Variants in CTNND2 observed in about 807,000 individuals in gnomAD.
CTNND2 encodes catenin delta 2, also known as catenin delta-2.
Under a neutral mutation model 144.4 loss-of-function variants are expected in CTNND2, and 22 were observed. The observed-to-expected ratio is 0.15, with a 90% CI of 0.11 to 0.22. CTNND2 has a LOEUF of 0.22. Among genes scored for constraint, CTNND2 ranks in the 10% least tolerant of loss-of-function variants. The probability of loss-of-function intolerance (pLI) is 1.00; values close to 1 mark genes in which losing one functional copy is unlikely to be tolerated. For synonymous variants in CTNND2, 751 were observed against 695.6 expected, an observed-to-expected ratio of 1.08 and a Z score of -1.25; for missense variants, 1,353 against 1,618.8, an observed-to-expected ratio of 0.84 and a Z score of 2.82.
intron 16 of CTNND2, among the ~76,000 whole-genome samples, chr5:11,048,404 C>T (rs1745500306): frequency 6.6e-6 from 1 of 152,174 alleles, no homozygotes. Flanking sequence ...TGTTTTATTT[C>T]CCCATAAAAA....
chr5:11,671,747 T>C (rs1783883227), intron 2 of CTNND2, among the ~76,000 whole-genome samples: 1 of 152,038 alleles, frequency 6.6e-6, no homozygotes, highest in East Asian at 2.0e-4. Flanking sequence ...TGGAGGAGTT[T>C]GTTATTACCC....
intron 5 of CTNND2, among the ~76,000 whole-genome samples, chr5:11,402,566 G>A (rs987067839): frequency 1.3e-5 from 2 of 152,198 alleles, no homozygotes; most frequent in African/African-American, 2.4e-5. Context: ...TTAACTTAGA[G>A]TAAGAGGTAG....
intron 10 of CTNND2, among the ~76,000 whole-genome samples, chr5:11,232,401 C>A (rs1486138302): frequency 6.6e-6 from 1 of 152,258 alleles, no homozygotes; most frequent in Non-Finnish European, 1.5e-5. Context: ...TAGGGCAGAG[C>A]TGCTCAAGGC....
chr5:11,595,665 C>T (rs1011095657), intron 2 of CTNND2, among the ~76,000 whole-genome samples: 11 of 152,124 alleles, frequency 7.2e-5, no homozygotes, highest in African/African-American at 2.4e-4. Context: ...TTGACCATCT[C>T]GGTAATAGTT....
chr5:11,648,023 T>C (rs1264490390), intron 2 of CTNND2, among the ~76,000 whole-genome samples: 1 of 152,230 alleles, frequency 6.6e-6, no homozygotes, highest in Non-Finnish European at 1.5e-5. Context: ...TTGCCTTCTA[T>C]ATATGTTAAA....
chr5:11,357,987 T>G (rs1020367704), intron 8 of CTNND2, among the ~76,000 whole-genome samples: 1 of 152,174 alleles, frequency 6.6e-6, no homozygotes, highest in Non-Finnish European at 1.5e-5. Flanking sequence ...TAATTATTCT[T>G]AAGTTCCAAC....
At chr5:11,380,223 C>T (rs55687574) in intron 7 of CTNND2, among the ~76,000 whole-genome samples, 3,320 of 152,264 alleles carry the variant, frequency 0.022, 125 homozygotes, top group African/African-American at 0.075. Flanking sequence ...GGGGTTATGC[C>T]TCATTCATCT....
intron 3 of CTNND2, among the ~76,000 whole-genome samples, chr5:11,421,862 A>C (rs191266167): frequency 6.6e-6 from 1 of 152,164 alleles, no homozygotes; most frequent in African/African-American, 2.4e-5. Context: ...TGATCAAGGC[A>C]CTTCTGCCTT....
chr5:11,320,798 G>T (rs1301933540), intron 9 of CTNND2, among the ~76,000 whole-genome samples: 1 of 152,162 alleles, frequency 6.6e-6, no homozygotes, highest in Non-Finnish European at 1.5e-5. Context: ...TGAGCTATAA[G>T]ATGAGATTTA....
chr5:11,086,218 G>A (rs1408090275), intron 15 of CTNND2, among the ~76,000 whole-genome samples: 1 of 152,116 alleles, frequency 6.6e-6, no homozygotes, highest in Non-Finnish European at 1.5e-5. Context: ...TGGATTTCAG[G>A]GGAGCTCAAA....
intron 1 of CTNND2, among the ~76,000 whole-genome samples, chr5:11,841,117 T>C (rs1314426944): frequency 6.6e-6 from 1 of 152,130 alleles, no homozygotes; most frequent in Non-Finnish European, 1.5e-5. Context: ...ATTCAAGGAA[T>C]CATTTGAACT....
intron 2 of CTNND2, among the ~76,000 whole-genome samples, chr5:11,575,053 A>C (rs192540696): frequency 1.2e-4 from 18 of 152,294 alleles, no homozygotes; most frequent in East Asian, 1.2e-3. Context: ...CATCTGTTCT[A>C]TATATATGCA....
intron 18 of CTNND2, among the ~76,000 whole-genome samples, chr5:10,999,802 T>C (rs553067822): frequency 6.6e-6 from 1 of 152,340 alleles, no homozygotes; most frequent in East Asian, 1.9e-4. Flanking sequence ...CAATCTGATG[T>C]TCTTTATCTT....
intron 2 of CTNND2, among the ~76,000 whole-genome samples, chr5:11,568,013 G>A (rs559557037): frequency 6.6e-6 from 1 of 152,298 alleles, no homozygotes; most frequent in South Asian, 2.1e-4. Flanking sequence ...GAGCAGAACA[G>A]CATGTAGTCT....
rs1375653124 is a variant in CTNND2, at chr5:11,385,141, A to C, written c.701T>G (p.Leu234Arg). 2.0e-6 allele frequency: 2 copies of C among 1,002,876 alleles called. No homozygotes were observed. Among genetic ancestry groups the C allele is most frequent in the East Asian group, 2.1e-4 (2 of 9,478 alleles). The allele number at this position is 1,002,876 out of a possible 1,614,324, so 62.1% of individuals were successfully genotyped here. ...PPPREPFAPSLGSAFHLPDAP... is the reference protein window; with the variant it reads ...PPPREPFAPSRGSAFHLPDAP... ...GTCGGGCAGGTGGAAGGCGCTGCCC[A>C]GGCTGGGCGCGAACGGCTCCCGCGG... The change falls in exon 7 of 22, where the codon CTG becomes CGG. Residue 234 changes from leucine to arginine, a missense_variant. Physicochemically the swap from Leu to Arg is moderately radical, Grantham distance 102 (BLOSUM62 -2). Transcript: ENST00000304623.
chr5:11,428,511 G>A (rs1184501031), intron 3 of CTNND2, among the ~76,000 whole-genome samples: 1 of 152,122 alleles, frequency 6.6e-6, no homozygotes, highest in Non-Finnish European at 1.5e-5. Flanking sequence ...ATCAAAACAG[G>A]CTAGGATTCT....
intron 2 of CTNND2, among the ~76,000 whole-genome samples, chr5:11,611,025 A>T (rs1198790961): frequency 1.3e-5 from 2 of 152,164 alleles, no homozygotes; most frequent in Non-Finnish European, 2.9e-5. Context: ...TAGTTCCCAT[A>T]TTCTCCATGT....
chr5:10,992,755 T>C, intron 18 of CTNND2, 78 bp from the exon 19 acceptor site: 3 of 1,544,258 alleles, frequency 1.9e-6, no homozygotes, highest in African/African-American at 1.4e-5. Context: ...AAGTTCCAAG[T>C]ATCTGGATTT....
chr5:11,117,511 A>C lies in CTNND2; in HGVS notation c.2216T>G (p.Leu739Arg). 6.2e-7 allele frequency: 1 copy of C among 1,614,162 alleles called. No individual in the cohort carries two copies. The highest frequency in any genetic ancestry group is 8.5e-7 in the Non-Finnish European group (1 of 1,180,028). The change falls in exon 13 of 22, where the codon CTT (leucine) becomes CGT (arginine). Residue 739 changes from leucine (L) to arginine (R), a missense_variant. This residue lies in a region of CTNND2 where 459 missense variants were observed against 674.3 expected (regional missense o/e 0.68). Coordinates refer to ENST00000304623, the MANE Select transcript of CTNND2 (RefSeq NM_001332.4). ...GATCACGTACAGCAAGGCATCCGTA[A>C]GCCCATCACACTCTCTCATCCTTCT... is the stretch of plus-strand genomic sequence containing the variant. ...ARRRMRECDG[L>R]TDALLYVIQS...
Sources: allele counts gnomAD v4.1 joint callset (sites outside exome capture counted in the v4.1 genomes callset), GRCh38; gene constraint gnomAD v4.1.1; regional missense constraint gnomAD v4.1.1; transcripts MANE v1.5; gene names NCBI Gene and HGNC (gene_info 2026-07-23, HGNC 2026-07-21).